The following GRID1 variants were observed in gnomAD, a reference collection of about 807,000 sequenced individuals.
GRID1 encodes glutamate receptor ionotropic, delta-1.
A neutral mutation model predicts 98.0 loss-of-function variants in GRID1; 28 were observed. The ratio of observed to expected loss-of-function variants is 0.29; its 90% CI spans 0.21 to 0.39. GRID1 has a LOEUF of 0.39. Among genes scored for constraint, GRID1 ranks in the 10% least tolerant of loss-of-function variants. GRID1 has a pLI of 1.00. For synonymous variants in GRID1, 553 were observed against 538.5 expected (o/e 1.03, Z -0.37); for missense variants, 1,111 against 1,340.5 (o/e 0.83, Z 2.67).
chr10:86,045,620 TGGAGAGAGAGTGG>T lies in GRID1; in HGVS notation c.726+93186_726+93198del, dbSNP rs377630407. Among the ~76,000 whole-genome samples, 767 of 151,484 alleles carry T rather than the reference TGGAGAGAGAGTGG, an allele frequency of 5.1e-3. 9 individuals are homozygous for T. The highest frequency in any genetic ancestry group is 0.018 in the African/African-American group (728 of 41,256). On this transcript the variant is annotated intron_variant, in intron 4 of 15. Transcript: ENST00000327946. Reference sequence around the variant, plus strand: ...GGAGGATGAAGATAAGCAAAAGAGATGGAGAGAGAGTGGGGAGAGAGAGTGAGAGAGTGAGATG... The same window carrying T: ...GGAGGATGAAGATAAGCAAAAGAGATGGAGAGAGAGTGAGAGAGTGAGATG...
intron 3 of GRID1, among the ~76,000 whole-genome samples, chr10:86,165,514 G>T (rs1418792904): frequency 6.6e-6 from 1 of 152,210 alleles, no homozygotes; most frequent in African/African-American, 2.4e-5. Context: ...GTTGAGCCAG[G>T]GCTGAGGGCC....
intron 2 of GRID1, among the ~76,000 whole-genome samples, chr10:86,306,637 G>A (rs776277963): frequency 1.1e-3 from 168 of 152,242 alleles, no homozygotes; most frequent in African/African-American, 3.9e-3. Context: ...GCCAGCAGTC[G>A]GAGCAGTGAA....
intron 5 of GRID1, among the ~76,000 whole-genome samples, chr10:85,909,781 G>A (rs1458720966): frequency 6.6e-6 from 1 of 152,138 alleles, no homozygotes; most frequent in Non-Finnish European, 1.5e-5. Flanking sequence ...TGGCATTCCT[G>A]AGGACCATGA....
At chr10:85,972,469 A>C (rs1842421494) in intron 4 of GRID1, among the ~76,000 whole-genome samples, 1 of 148,106 alleles carries the variant, frequency 6.8e-6, no homozygotes, top group Non-Finnish European at 1.5e-5. Flanking sequence ...ATATTTATAT[A>C]AATATATTAA....
At chr10:85,658,889 G>A (rs953183984) in intron 12 of GRID1, among the ~76,000 whole-genome samples, 1 of 152,244 alleles carries the variant, frequency 6.6e-6, no homozygotes, top group African/African-American at 2.4e-5. Flanking sequence ...TTTACTAGGA[G>A]ACAGCAGAAA....
intron 4 of GRID1, among the ~76,000 whole-genome samples, chr10:86,077,128 G>A (rs982678985): frequency 3.6e-5 from 5 of 137,298 alleles, no homozygotes; most frequent in Non-Finnish European, 4.8e-5. Flanking sequence ...AGCCTTCCGC[G>A]GGGACCATGG....
intron 8 of GRID1, among the ~76,000 whole-genome samples, chr10:85,797,311 C>T (rs757935427): frequency 1.2e-4 from 19 of 152,138 alleles, no homozygotes; most frequent in Non-Finnish European, 1.8e-4. Flanking sequence ...GCTCACTACT[C>T]GGGTACTGAG....
chr10:86,256,037 A>G (rs956212802), intron 2 of GRID1, among the ~76,000 whole-genome samples: 2 of 152,214 alleles, frequency 1.3e-5, no homozygotes, highest in Non-Finnish European at 2.9e-5. Context: ...GGCATGAAAC[A>G]GAAATCTTCC....
chr10:85,708,592 T>C (rs1261192475), intron 12 of GRID1, among the ~76,000 whole-genome samples: 1 of 152,210 alleles, frequency 6.6e-6, no homozygotes, highest in Non-Finnish European at 1.5e-5. Context: ...CAATGTTAAA[T>C]TGGAAAATGA....
intron 8 of GRID1, among the ~76,000 whole-genome samples, chr10:85,761,693 A>G (rs1035196391): frequency 1.4e-4 from 21 of 152,004 alleles, no homozygotes; most frequent in African/African-American, 5.1e-4. Context: ...GACAGATAAA[A>G]CCACTATGGG....
intron 4 of GRID1, among the ~76,000 whole-genome samples, chr10:85,967,652 A>C (rs1262473220): frequency 1.3e-5 from 2 of 152,240 alleles, no homozygotes; most frequent in East Asian, 3.8e-4. Flanking sequence ...GACAGAAATT[A>C]TATTTTTAAA....
At chr10:85,774,002 A>G (rs970446696) in intron 8 of GRID1, among the ~76,000 whole-genome samples, 1 of 152,196 alleles carries the variant, frequency 6.6e-6, no homozygotes, top group Non-Finnish European at 1.5e-5. Flanking sequence ...ACCAAAAGAG[A>G]GCCCGCATCG....
At chr10:85,625,828 T>C (rs1468070433) in intron 13 of GRID1, among the ~76,000 whole-genome samples, 1 of 152,240 alleles carries the variant, frequency 6.6e-6, no homozygotes, top group Non-Finnish European at 1.5e-5. Flanking sequence ...ATGACTTGCT[T>C]GTGTTCCATG....
chr10:85,606,690 C>T (rs1275423035), intron 15 of GRID1: 1 of 152,108 alleles, frequency 6.6e-6, no homozygotes, highest in Admixed American at 6.5e-5. Context: ...AGATTTAGCA[C>T]TCATAAAGTC....
Position 86,329,201 on chromosome 10 carries a change from C to T in GRID1, c.235+34740G>A, listed in dbSNP as rs558059149. ...AAAGTGATAAAGCGGCTGCCTGGTTCCCTTGCCCTGGCCAGCCCCGCTGAC... is the reference window on the plus strand; with the variant it reads ...AAAGTGATAAAGCGGCTGCCTGGTTTCCTTGCCCTGGCCAGCCCCGCTGAC... On this transcript the variant is annotated intron_variant, in intron 2 of 15. Transcript: ENST00000327946. Among the ~76,000 whole-genome samples the T allele has an allele frequency of 1.9e-4, 29 of 152,370 alleles. No homozygotes were observed. In the South Asian group the frequency reaches 5.8e-3, roughly 30 times the overall value.
At position 86,192,470 on chromosome 10, in the gene GRID1, G is replaced by A. The variant is rs1288003730; in HGVS notation, c.520+13894C>T. Among the ~76,000 whole-genome samples the A allele has an allele frequency of 6.6e-6, 1 of 152,070 alleles. No homozygotes were observed. Among genetic ancestry groups the A allele is most frequent in the African/African-American group, 2.4e-5 (1 of 41,382 alleles). ...ATACGGTACGAGTCCACTTATATGA[G>A]GCCCCTAGAATAGTCAAAGTCAAGA... On this transcript the variant is annotated intron_variant, in intron 3 of 15. Transcript: ENST00000327946. This position sits in a 1 kb window ranked among gnomAD's most constrained non-coding sequence, Gnocchi z 4.8.
intron 2 of GRID1, among the ~76,000 whole-genome samples, chr10:86,287,089 G>C (rs1275114934): frequency 6.6e-6 from 1 of 152,212 alleles, no homozygotes; most frequent in East Asian, 1.9e-4. Context: ...GAGAAGGTGA[G>C]GTCCAGAAGG....
intron 8 of GRID1, among the ~76,000 whole-genome samples, chr10:85,769,741 T>C (rs1377316612): frequency 6.6e-6 from 1 of 152,052 alleles, no homozygotes; most frequent in African/African-American, 2.4e-5. Flanking sequence ...CAGTCTGAGA[T>C]CAAACTGCAA....
At chr10:85,992,457 A>T (rs926222168) in intron 4 of GRID1, among the ~76,000 whole-genome samples, 14 of 152,136 alleles carry the variant, frequency 9.2e-5, no homozygotes, top group Non-Finnish European at 1.9e-4. Flanking sequence ...CACTAAGAAG[A>T]CATGAAGATA....
Sources: allele counts gnomAD v4.1 joint callset (sites outside exome capture counted in the v4.1 genomes callset), GRCh38; gene constraint gnomAD v4.1.1; non-coding constraint Gnocchi (gnomAD v3.1); transcripts MANE v1.5; gene names NCBI Gene and HGNC (gene_info 2026-07-23, HGNC 2026-07-21).